Variants in MYRFL observed in about 807,000 individuals in gnomAD.
MYRFL encodes the protein myelin regulatory factor-like protein.
In MYRFL, 88 loss-of-function variants were observed where a neutral mutation model predicts 109.4. The ratio of observed to expected loss-of-function variants is 0.80; its 90% CI spans 0.68 to 0.96. The LOEUF (loss-of-function observed/expected upper bound fraction) is 0.96. Ranked by LOEUF, MYRFL falls within the 40% of genes least tolerant of loss-of-function variation. The pLI is 0.00. For synonymous variants in MYRFL, 324 were observed against 320.9 expected (o/e 1.01, Z -0.10); for missense variants, 957 against 954.9 (o/e 1.00, Z -0.03).
chr12:69,887,091 G>T, intron 6 of MYRFL, 121 bp downstream of exon 6: 1 of 1,059,124 alleles, frequency 9.4e-7, no homozygotes, highest in East Asian at 2.6e-5. Context: ...CAGTGAGAAA[G>T]TGTCTGTCTT....
At chr12:69,912,240 C>T (rs1277382762) in intron 13 of MYRFL, among the ~76,000 whole-genome samples, 1 of 152,218 alleles carries the variant, frequency 6.6e-6, no homozygotes, top group Non-Finnish European at 1.5e-5. Context: ...GCTATCATTT[C>T]ACTTGAGAGG....
chr12:69,909,631 C>A (rs1407687592), intron 11 of MYRFL, among the ~76,000 whole-genome samples: 1 of 152,164 alleles, frequency 6.6e-6, no homozygotes, highest in Non-Finnish European at 1.5e-5. Flanking sequence ...ACCCATTTAG[C>A]TTTAGGGAAA....
At chr12:69,908,562 A>G (rs910119160) in intron 11 of MYRFL, among the ~76,000 whole-genome samples, 1 of 152,226 alleles carries the variant, frequency 6.6e-6, no homozygotes, top group African/African-American at 2.4e-5. Context: ...GCTGGGCTTC[A>G]TCATCGCTAG....
intron 7 of MYRFL, among the ~76,000 whole-genome samples, chr12:69,891,637 T>TTTTCTTTTTCTTTCTTTCTTTC (rs1886865615): frequency 5.6e-5 from 3 of 53,838 alleles, no homozygotes; most frequent in African/African-American, 1.7e-4. Flanking sequence ...CTTCCTTTCT[T>TTTTCTTTTTCTTTCTTTCTTTC]TTTCTTTCTT....
intron 13 of MYRFL, among the ~76,000 whole-genome samples, chr12:69,919,941 C>T (rs1018201310): frequency 9.2e-5 from 14 of 152,194 alleles, no homozygotes; most frequent in East Asian, 3.9e-4. Context: ...AAGTTACCCT[C>T]GCTCAGTGTC....
intron 11 of MYRFL, among the ~76,000 whole-genome samples, chr12:69,908,153 G>A (rs2120379720): frequency 6.6e-6 from 1 of 152,162 alleles, no homozygotes; most frequent in South Asian, 2.1e-4. Flanking sequence ...AGTTATCAAT[G>A]TATTTAACAA....
intron 1 of MYRFL, among the ~76,000 whole-genome samples, chr12:69,836,931 C>T (rs1882979552): frequency 6.6e-6 from 1 of 152,100 alleles, no homozygotes; most frequent in Non-Finnish European, 1.5e-5. Context: ...TCATTCTTAA[C>T]CCAACTTCAA....
intron 2 of MYRFL, among the ~76,000 whole-genome samples, chr12:69,861,942 G>A (rs1012233595): frequency 3.3e-5 from 5 of 151,736 alleles, no homozygotes; most frequent in Non-Finnish European, 4.4e-5. Flanking sequence ...ATAAGGAAGG[G>A]ATCCAGTTTC....
intron 14 of MYRFL, among the ~76,000 whole-genome samples, chr12:69,927,390 TC>T (rs1955130295): frequency 1.3e-5 from 2 of 150,204 alleles, no homozygotes; most frequent in South Asian, 4.4e-4. Context: ...CCATGTTTGG[TC>T]CTCAGGGGGA....
At chr12:69,872,358 T>C (rs899461091) in intron 2 of MYRFL, among the ~76,000 whole-genome samples, 1 of 151,946 alleles carries the variant, frequency 6.6e-6, no homozygotes, top group Non-Finnish European at 1.5e-5. Flanking sequence ...GGGTCTCACT[T>C]TGTCACCTAG....
chr12:69,875,552 C>A (rs1885607867), intron 2 of MYRFL, among the ~76,000 whole-genome samples: 1 of 152,116 alleles, frequency 6.6e-6, no homozygotes, highest in Non-Finnish European at 1.5e-5. Context: ...TTTTTCCAAC[C>A]CCTGCCGGTG....
chr12:69,917,448 C>T (rs994768310), intron 13 of MYRFL, among the ~76,000 whole-genome samples: 34 of 122,392 alleles, frequency 2.8e-4, no homozygotes, highest in East Asian at 1.2e-3. Context: ...GAAATTTATG[C>T]GTTTTAAAAC....
intron 11 of MYRFL, among the ~76,000 whole-genome samples, chr12:69,908,289 T>C (rs1216143346): frequency 6.6e-6 from 1 of 152,224 alleles, no homozygotes; most frequent in East Asian, 1.9e-4. Flanking sequence ...AGACAAAGAA[T>C]GAAGTTGACA....
chr12:69,929,694 A>G (rs566393993), intron 15 of MYRFL, among the ~76,000 whole-genome samples: 1 of 152,376 alleles, frequency 6.6e-6, no homozygotes, highest in East Asian at 1.9e-4. Flanking sequence ...GAGGCAGCAT[A>G]GCACTGTGGT....
chr12:69,832,080 CAGT>C (rs1382514979), intron 1 of MYRFL, among the ~76,000 whole-genome samples: 1 of 152,064 alleles, frequency 6.6e-6, no homozygotes, highest in Non-Finnish European at 1.5e-5. Context: ...TGGTGAGTGA[CAGT>C]GGTGGGTAAA....
At chr12:69,861,667 G>T (rs1325202463) in intron 2 of MYRFL, among the ~76,000 whole-genome samples, 1 of 152,116 alleles carries the variant, frequency 6.6e-6, no homozygotes, top group Non-Finnish European at 1.5e-5. Context: ...CAGATGAATA[G>T]GTTGTGAAAA....
At chr12:69,930,623 G>A (rs898157) in intron 15 of MYRFL, among the ~76,000 whole-genome samples, 110,296 of 151,704 alleles carry the variant, frequency 0.73, 40,242 homozygotes, top group Admixed American at 0.81. Context: ...GTTCAAGACT[G>A]GCCTGGACAA....
At chr12:69,949,524 C>A (rs1376684013) in intron 19 of MYRFL, among the ~76,000 whole-genome samples, 1 of 152,128 alleles carries the variant, frequency 6.6e-6, no homozygotes, top group Non-Finnish European at 1.5e-5. Context: ...CATCTCAGGC[C>A]TTACTTTAGA....
intron 7 of MYRFL, among the ~76,000 whole-genome samples, chr12:69,891,927 T>G (rs939776046): frequency 2.0e-5 from 3 of 151,894 alleles, no homozygotes; most frequent in Non-Finnish European, 2.9e-5. Flanking sequence ...GCCTCCTGCC[T>G]CAGTCTCCCA....
Sources: allele counts gnomAD v4.1 joint callset (sites outside exome capture counted in the v4.1 genomes callset), GRCh38; gene constraint gnomAD v4.1.1; transcripts MANE v1.5; gene names NCBI Gene and HGNC (gene_info 2026-07-23, HGNC 2026-07-21).